The following PLRG1 variants were observed in gnomAD, a reference collection of about 807,000 sequenced individuals.
The protein encoded by PLRG1 is pleiotropic regulator 1, also known as pleiotropic regulator 1 (PRL1 homolog, Arabidopsis).
A neutral mutation model predicts 74.9 loss-of-function variants in PLRG1; 28 were observed. That is an observed-to-expected ratio of 0.37 (90% CI 0.28 to 0.51). The LOEUF (loss-of-function observed/expected upper bound fraction) is 0.51, where lower values mean the gene tolerates loss of function less well. Ranked by LOEUF, PLRG1 falls within the 20% of genes least tolerant of loss-of-function variation. The pLI is 0.91. For synonymous variants in PLRG1, 197 were observed against 212.4 expected (o/e 0.93, Z 0.63); for missense variants, 445 against 631.9 (o/e 0.70, Z 3.17).
chr4:154,539,036 C>A, intron 12 of PLRG1, 69 bp downstream of exon 12: 1 of 914,822 alleles, frequency 1.1e-6, no homozygotes, highest in Non-Finnish European at 1.8e-6. Flanking sequence ...AGTGCTAACA[C>A]CACTAGCATT....
At chr4:154,546,867 T>G (rs1393659653) in intron 4 of PLRG1, 144 bp downstream of exon 4, 1 of 681,084 alleles carries the variant, frequency 1.5e-6, no homozygotes, top group East Asian at 2.6e-5. Flanking sequence ...TGAGTATTCA[T>G]TATTACCTAC....
In PLRG1 at chr4:154,546,127, T is replaced by C; in HGVS notation, c.400A>G (p.Thr134Ala). 6.5e-7 allele frequency: 1 copy of C among 1,544,164 alleles called. No individual in the cohort carries two copies. The highest frequency in any genetic ancestry group is 8.9e-7 in the Non-Finnish European group (1 of 1,119,882). Residue 134 changes from threonine to alanine, a missense_variant, in exon 5 of 15, where the codon ACC becomes GCC. Thr to Ala is a moderately conservative substitution (Grantham distance 58). Transcript: ENST00000499023. ...QSLAVALPLQ[T>A]KADANRTAPS... ...TGTAATTATAATATTTCATACTTGG[T>C]CTGCAAAGGTAATGCCACCGCTAAG...
At chr4:154,540,116 C>T (rs1729528677) in intron 10 of PLRG1, 63 bp from the exon 11 acceptor site, 1 of 896,662 alleles carries the variant, frequency 1.1e-6, no homozygotes, top group African/African-American at 1.6e-5. Flanking sequence ...AAGAAGATAA[C>T]TGGATCAATT....
intron 7 of PLRG1, among the ~76,000 whole-genome samples, chr4:154,543,029 C>CA (rs1729582470): frequency 6.6e-6 from 1 of 152,128 alleles, no homozygotes; most frequent in Non-Finnish European, 1.5e-5. Flanking sequence ...AGAGTGACTA[C>CA]AGTTAAGAGT....
intron 6 of PLRG1, among the ~76,000 whole-genome samples, chr4:154,544,913 C>T (rs953733825): frequency 8.5e-5 from 13 of 152,198 alleles, no homozygotes; most frequent in African/African-American, 3.1e-4. Context: ...ATGTAAGCTC[C>T]CAATATTAAA....
intron 8 of PLRG1, among the ~76,000 whole-genome samples, chr4:154,541,612 T>TTGTA (rs1729556874): frequency 6.6e-6 from 1 of 152,104 alleles, no homozygotes; most frequent in African/African-American, 2.4e-5. Flanking sequence ...GGAAAACAGA[T>TTGTA]TACAGACTAT....
At position 154,536,506 on chromosome 4, in the gene PLRG1, G is replaced by A. The variant is rs1299671352; in HGVS notation, c.*179C>T. 8.7e-6 allele frequency: 5 copies of A among 576,746 alleles called. No homozygotes were observed. Among genetic ancestry groups the A allele is most frequent in the East Asian group, 3.1e-5 (1 of 32,658 alleles). 35.7% of individuals were successfully genotyped at this position (576,746 alleles called of 1,614,324 possible). On this transcript the variant is annotated 3_prime_UTR_variant, in exon 15 of 15. Coordinates refer to ENST00000499023, the MANE Select transcript of PLRG1 (RefSeq NM_002669.4). ...AAATTGTTTTAGAAATAAAAACACA[G>A]GGGTAGGGGACAGGGGACAGTTTAT...
chr4:154,542,330 T>A, intron 7 of PLRG1, 51 bp from the exon 8 acceptor site: 2 of 1,158,126 alleles, frequency 1.7e-6, no homozygotes, highest in Non-Finnish European at 2.6e-6. Flanking sequence ...TTAAAATGTA[T>A]TTAAGTTTAA....
intron 13 of PLRG1, 98 bp from the exon 14 acceptor site, chr4:154,537,577 G>A (rs967375735): frequency 1.6e-5 from 12 of 758,412 alleles, no homozygotes; most frequent in East Asian, 7.7e-5. Context: ...GGAATACTAC[G>A]GTTATAAAAA....
chr4:154,548,060 A>AT (rs1256517168), intron 2 of PLRG1, among the ~76,000 whole-genome samples: 1 of 152,188 alleles, frequency 6.6e-6, no homozygotes, highest in Non-Finnish European at 1.5e-5. Context: ...CCTACGTAAT[A>AT]TTTTAGTTTG....
chr4:154,541,038 G>A, intron 8 of PLRG1, 104 bp from the exon 9 acceptor site: 2 of 848,216 alleles, frequency 2.4e-6, no homozygotes, highest in Non-Finnish European at 3.4e-6. Context: ...AAAGGAAAAA[G>A]ATAACAAATA....
chr4:154,550,347 T>C lies in PLRG1; in HGVS notation c.-39A>G, dbSNP rs752698120. On this transcript the variant is annotated 5_prime_UTR_variant, in exon 1 of 15. Coordinates refer to ENST00000499023, the MANE Select transcript of PLRG1 (RefSeq NM_002669.4). ...ATCCCACCTCCGGCAGGGAAGAAAC[T>C]CTAATCACTAACGCAGTACCCGCCG... is the stretch of plus-strand genomic sequence containing the variant. 6 of 1,605,756 alleles carry C rather than the reference T, an allele frequency of 3.7e-6. No homozygotes were observed. In the East Asian group the frequency reaches 1.1e-4, roughly 30 times the overall value.
At chr4:154,542,832 A>T (rs146442868) in intron 7 of PLRG1, among the ~76,000 whole-genome samples, 298 of 152,344 alleles carry the variant, frequency 2.0e-3, no homozygotes, top group African/African-American at 7.0e-3. Context: ...GCTAAAAAAT[A>T]AATGATCTTC....
Position 154,535,933 on chromosome 4 carries a change from C to G in PLRG1, c.*752G>C, listed in dbSNP as rs1560804944. ...TAGCAGAACATTCTTTGTCCCAGAACACACCGCACACTTTCTTGTGCCTGG... is the reference window on the plus strand; with the variant it reads ...TAGCAGAACATTCTTTGTCCCAGAAGACACCGCACACTTTCTTGTGCCTGG... On this transcript the variant is annotated 3_prime_UTR_variant, in exon 15 of 15. Transcript: ENST00000499023. 1 of 152,230 alleles carries G rather than the reference C, an allele frequency of 6.6e-6. No homozygotes were observed. The highest frequency in any genetic ancestry group is 1.9e-4 in the East Asian group (1 of 5,204). 9.4% of individuals were successfully genotyped at this position (152,230 alleles called of 1,614,324 possible). A position where few individuals can be genotyped will look rare whatever the true frequency, so the allele number is the denominator to read the frequency against.
At position 154,541,946 on chromosome 4, in the gene PLRG1, G is replaced by GT. The variant is rs1339811460; in HGVS notation, c.687+240dup. On this transcript the variant is annotated intron_variant, in intron 8 of 14. Coordinates refer to ENST00000499023, the MANE Select transcript of PLRG1 (RefSeq NM_002669.4). ...TTTGTAACCAGTTGGAGAGAACAAT[G>GT]TAAGTATAAAGGAATTAGTGGTAGG... 30 of 461,598 alleles carry GT rather than the reference G, an allele frequency of 6.5e-5. No homozygotes were observed. The East Asian group carries it at 9.1e-4, about 14-fold the overall frequency. 28.6% of individuals were successfully genotyped at this position (461,598 alleles called of 1,614,324 possible). A position where few individuals can be genotyped will look rare whatever the true frequency, so the allele number is the denominator to read the frequency against.
At chr4:154,544,866 G>C (rs1340822703) in intron 6 of PLRG1, among the ~76,000 whole-genome samples, 2 of 152,042 alleles carry the variant, frequency 1.3e-5, no homozygotes, top group African/African-American at 4.8e-5. Flanking sequence ...CTATTTCATA[G>C]GGTTACTACA....
Position 154,545,942 on chromosome 4 carries a change from T to C in PLRG1, c.405-19A>G. 7.8e-6 allele frequency: 12 copies of C among 1,543,060 alleles called. No homozygotes were observed. The highest frequency in any genetic ancestry group is 1.1e-5 in the Non-Finnish European group (12 of 1,123,330). On this transcript the variant is annotated intron_variant, in intron 5 of 14. Coordinates refer to ENST00000499023, the MANE Select transcript of PLRG1 (RefSeq NM_002669.4). ...ATCAGCCCTGGGGCAAAAGAAATAATATTTTCAAAGTAATTAATGCCTCCA... is the reference window on the plus strand; with the variant it reads ...ATCAGCCCTGGGGCAAAAGAAATAACATTTTCAAAGTAATTAATGCCTCCA...
At position 154,548,924 on chromosome 4, in the gene PLRG1, T is replaced by C; in HGVS notation, c.21A>G (p.Lys7=). The change falls in exon 2 of 15, where the codon AAA becomes AAG. Residue 7 remains lysine, a synonymous_variant. Coordinates refer to ENST00000499023, the MANE Select transcript of PLRG1 (RefSeq NM_002669.4). ...TGAACACAAGGGTGTGTACAGAATG[T>C]TTCTGTACCTCCTAAAAAAAAAGAA... MVEEVQ[K]HSVHTLVFRS... The C allele has an allele frequency of 6.4e-7, 1 of 1,569,768 alleles. No homozygotes were observed. The highest frequency in any genetic ancestry group is 8.8e-7 in the Non-Finnish European group (1 of 1,139,570).
In PLRG1 at chr4:154,536,660, A is replaced by G. The variant is rs1388789782; in HGVS notation, c.*25T>C. ...TTTTTTTAATTAAAAAGAAAAAAAA[A>G]GAGAGAGAAAAAATTCCACATTCAT... On this transcript the variant is annotated 3_prime_UTR_variant, in exon 15 of 15. Transcript: ENST00000499023. 3 of 1,238,434 alleles carry G rather than the reference A, an allele frequency of 2.4e-6. No homozygotes were observed. Among genetic ancestry groups the G allele is most frequent in the Non-Finnish European group, 3.5e-6 (3 of 860,634 alleles). The allele number at this position is 1,238,434 out of a possible 1,614,324, so 76.7% of individuals were successfully genotyped here.
Sources: allele counts gnomAD v4.1 joint callset (sites outside exome capture counted in the v4.1 genomes callset), GRCh38; gene constraint gnomAD v4.1.1; transcripts MANE v1.5; gene names NCBI Gene and HGNC (gene_info 2026-07-23, HGNC 2026-07-21).